FANCA: variants seen among roughly 807,000 people sequenced by gnomAD.
The protein encoded by FANCA is FA complementation group A, also known as Fanconi anemia group A protein.
FANCA carries 236 observed loss-of-function variants against 194.3 expected under a neutral mutation model. The ratio of observed to expected loss-of-function variants is 1.21; its 90% CI spans 1.09 to 1.35. The LOEUF (loss-of-function observed/expected upper bound fraction) is 1.35, where lower values mean the gene tolerates loss of function less well. FANCA is among the 40% of genes most tolerant of loss of function. FANCA has a pLI of 0.00. For synonymous variants in FANCA, 1,014 were observed against 715.8 expected (o/e 1.42, Z -6.65); for missense variants, 2,628 against 1,813.9 (o/e 1.45, Z -8.15).
chr16:89,749,366 C>T (rs1009246152), intron 32 of FANCA, among the ~76,000 whole-genome samples: 1 of 152,180 alleles, frequency 6.6e-6, no homozygotes, highest in Non-Finnish European at 1.5e-5. Context: ...GTGCCCGCCA[C>T]CACACCTAGC....
intron 33 of FANCA, 26 bp downstream of exon 33, chr16:89,748,633 C>G (rs942983246): frequency 8.3e-6 from 13 of 1,566,260 alleles, no homozygotes; most frequent in Admixed American, 1.7e-5. Context: ...ACAGATCGGA[C>G]GGACACGTGC....
Position 89,750,913 on chromosome 16 carries a change from G to A in FANCA, c.3067-1011C>T, listed in dbSNP as rs191683767. Among the ~76,000 whole-genome samples, 23 of 152,218 alleles carry A rather than the reference G, an allele frequency of 1.5e-4. 1 individual carries two copies. The East Asian group carries it at 3.9e-3, about 26-fold the overall frequency. On this transcript the variant is annotated intron_variant, in intron 31 of 42. Transcript: ENST00000389301. ...TCTTTTGTTGTTGTTGTTGTTGTTA[G>A]GACAGTCTCAGTCCGGTTGCCCAGG...
chr16:89,800,123 G>C (rs1435194176), intron 8 of FANCA, among the ~76,000 whole-genome samples: 2 of 152,236 alleles, frequency 1.3e-5, no homozygotes, highest in Non-Finnish European at 2.9e-5. Flanking sequence ...ATTACCCTAA[G>C]ACTGCTCTCA....
chr16:89,796,717 C>T (rs114975005), intron 10 of FANCA, among the ~76,000 whole-genome samples: 212 of 152,278 alleles, frequency 1.4e-3, no homozygotes, highest in African/African-American at 4.9e-3. Flanking sequence ...ATGCCGATTC[C>T]CCAGGTAAGA....
chr16:89,816,137 A>G (rs750229888), intron 1 of FANCA, 151 bp from the exon 2 acceptor site: 4 of 696,722 alleles, frequency 5.7e-6, no homozygotes, highest in Middle Eastern at 4.7e-4. Context: ...GGTCTCGGGA[A>G]ACTAACGGAG....
chr16:89,781,568 G>T (rs574610561), intron 17 of FANCA, among the ~76,000 whole-genome samples: 7 of 149,636 alleles, frequency 4.7e-5, no homozygotes, highest in Non-Finnish European at 1.0e-4. Context: ...CTGAGCTACT[G>T]GAGAGGCTGA....
chr16:89,806,299 ACAGT>A (rs1248779918), intron 6 of FANCA, among the ~76,000 whole-genome samples: 1 of 148,864 alleles, frequency 6.7e-6, no homozygotes, highest in Non-Finnish European at 1.5e-5. Flanking sequence ...AGAGTGCTCC[ACAGT>A]CAGTCAGGTC....
At chr16:89,770,337 G>A (rs1171502900) in intron 24 of FANCA, 78 bp from the exon 25 acceptor site, 1 of 1,343,230 alleles carries the variant, frequency 7.4e-7, no homozygotes. Flanking sequence ...CCAACCACCA[G>A]CGGCCGAAGA....
chr16:89,796,499 T>A (rs2040252893), intron 10 of FANCA, among the ~76,000 whole-genome samples: 1 of 152,004 alleles, frequency 6.6e-6, no homozygotes, highest in Admixed American at 6.6e-5. Flanking sequence ...TCCATGAAGA[T>A]GAGGAAGGAA....
chr16:89,778,627 T>TA lies in FANCA; in HGVS notation c.1826+173dup, dbSNP rs397693835. Among the ~76,000 whole-genome samples, 8,376 of 29,924 alleles carry TA rather than the reference T, an allele frequency of 0.28. 2,465 individuals carry two copies. Among genetic ancestry groups the TA allele is most frequent in the East Asian group, 0.71 (550 of 780 alleles). The allele number at this position is 29,924 out of a possible 152,430, so 19.6% of individuals were successfully genotyped here. A position where few individuals can be genotyped will look rare whatever the true frequency, so the allele number is the denominator to read the frequency against. On this transcript the variant is annotated intron_variant, in intron 20 of 42. Transcript: ENST00000389301. ...CTGGGTGACAGAGTGAGACTCCAACTAAAAAAAAAAAAAAAAAAAAAAAAA... is the reference window on the plus strand; with the variant it reads ...CTGGGTGACAGAGTGAGACTCCAACTAAAAAAAAAAAAAAAAAAAAAAAAAA...
chr16:89,771,564 G>A (rs17226589), intron 23 of FANCA, 114 bp downstream of exon 23: 19 of 1,246,638 alleles, frequency 1.5e-5, no homozygotes, highest in South Asian at 6.5e-5. Context: ...CATCTGATAC[G>A]ACACTAACTG....
At position 89,739,170 on chromosome 16, in the gene FANCA, G is replaced by A. The variant is rs199599393; in HGVS notation, c.4130C>T (p.Ser1377Leu). The change falls in exon 41 of 43, where the codon TCA becomes TTA. Residue 1377 changes from serine to leucine, a missense_variant. Physicochemically the swap from Ser to Leu is moderately radical, Grantham distance 145. Transcript: ENST00000389301. ...CTCCAGGCTCCTGCCAGCTGGAGGT[G>A]AAACTGTGCTTGTATCCCCAGCCAC... is the stretch of plus-strand genomic sequence containing the variant. ...LFVAGDTSTV[S>L]PPAGRSLELK... 1 of 1,614,056 alleles carries A rather than the reference G, an allele frequency of 6.2e-7. No homozygotes were observed. The highest frequency in any genetic ancestry group is 8.5e-7 in the Non-Finnish European group (1 of 1,180,050).
At position 89,792,007 on chromosome 16, in the gene FANCA, T is replaced by C. The variant is rs747766198; in HGVS notation, c.1145A>G (p.Gln382Arg). 2.5e-6 allele frequency: 4 copies of C among 1,614,216 alleles called. No individual in the cohort carries two copies. The Middle Eastern group carries it at 4.9e-4, about 200-fold the overall frequency. The part of the protein sequence containing the change: ...VGHLQEVLET[Q>R]EVHWQRVLSF... ...GAGCACTCTCTGCCAGTGAACCTCC[T>C]GCGTTTCCAGAACTTCTTGCAAATG... Residue 382 changes from glutamine (Q) to arginine (R), a missense_variant, in exon 13 of 43, where the codon CAG (glutamine) becomes CGG (arginine). Gln to Arg is a conservative substitution (Grantham distance 43). Transcript: ENST00000389301.
chr16:89,775,133 T>A (rs1360232455), intron 21 of FANCA, among the ~76,000 whole-genome samples: 1 of 150,768 alleles, frequency 6.6e-6, no homozygotes, highest in Non-Finnish European at 1.5e-5. Flanking sequence ...CAGATCTATG[T>A]CTTCAGCTCA....
chr16:89,779,731 C>A, intron 18 of FANCA, 138 bp downstream of exon 18: 1 of 759,410 alleles, frequency 1.3e-6, no homozygotes, highest in Non-Finnish European at 2.3e-6. Context: ...CTCCAAAGAG[C>A]CCCAGACGCT....
chr16:89,795,843 G>T (rs975610224), intron 11 of FANCA, 63 bp downstream of exon 11: 1 of 1,209,964 alleles, frequency 8.3e-7, no homozygotes, highest in Non-Finnish European at 1.2e-6. Context: ...CGTTACCAAG[G>T]CAACAAGGCA....
intron 39 of FANCA, 126 bp downstream of exon 39, chr16:89,739,868 A>G (rs1274469811): frequency 6.5e-7 from 1 of 1,545,488 alleles, no homozygotes; most frequent in Admixed American, 2.0e-5. Context: ...AATCTGTCCC[A>G]ACTAAAATGG....
intron 14 of FANCA, among the ~76,000 whole-genome samples, chr16:89,785,973 C>G (rs964632453): frequency 6.7e-6 from 1 of 148,672 alleles, no homozygotes; most frequent in African/African-American, 2.5e-5. Flanking sequence ...CTCCTGCCTC[C>G]CTAGTAGCTG....
chr16:89,759,671 G>C (rs984038107), intron 29 of FANCA, among the ~76,000 whole-genome samples: 1 of 152,174 alleles, frequency 6.6e-6, no homozygotes, highest in Non-Finnish European at 1.5e-5. Context: ...TGAGGCAGGA[G>C]GATCACTCGA....
Sources: allele counts gnomAD v4.1 joint callset (sites outside exome capture counted in the v4.1 genomes callset), GRCh38; gene constraint gnomAD v4.1.1; transcripts MANE v1.5; gene names NCBI Gene and HGNC (gene_info 2026-07-23, HGNC 2026-07-21).